LINGO2: variants seen among roughly 807,000 people sequenced by gnomAD.
LINGO2 encodes the protein leucine-rich repeat and immunoglobulin-like domain-containing nogo receptor-interacting protein 2.
In LINGO2, 14 loss-of-function variants were observed where a neutral mutation model predicts 30.6. That is an observed-to-expected ratio of 0.46 (90% CI 0.30 to 0.72). The LOEUF (loss-of-function observed/expected upper bound fraction) is 0.72, where lower values mean the gene tolerates loss of function less well. Among genes scored for constraint, LINGO2 ranks in the 30% least tolerant of loss-of-function variants. The pLI, the probability that LINGO2 is intolerant of heterozygous loss-of-function variation, is 0.07. For synonymous variants in LINGO2, 317 were observed against 288.5 expected, an observed-to-expected ratio of 1.10 and a Z score of -1.00; for missense variants, 729 against 751.7, an observed-to-expected ratio of 0.97 and a Z score of 0.35.
chr9:28,261,830 TTGTTA>T (rs1253567185), intron 4 of LINGO2, among the ~76,000 whole-genome samples: 1 of 151,952 alleles, frequency 6.6e-6, no homozygotes, highest in Non-Finnish European at 1.5e-5. Context: ...ACAGTGGGTT[TTGTTA>T]TAAGATATTG....
intron 1 of LINGO2, among the ~76,000 whole-genome samples, chr9:28,589,471 A>G (rs1039780915): frequency 2.2e-4 from 34 of 152,276 alleles, no homozygotes; most frequent in African/African-American, 7.7e-4. Flanking sequence ...TACAAAATCA[A>G]TGTACAAAAA....
chr9:28,156,379 C>A (rs1044342444), intron 4 of LINGO2, among the ~76,000 whole-genome samples: 27 of 152,150 alleles, frequency 1.8e-4, no homozygotes, highest in African/African-American at 6.5e-4. Flanking sequence ...GTTAAAGAAC[C>A]TACTATGCAC....
At chr9:28,966,184 G>A in the LINGO2 span, among the ~76,000 whole-genome samples, 1 of 152,084 alleles carries the variant, frequency 6.6e-6, no homozygotes, top group African/African-American at 2.4e-5. Context: ...CTCATCCTGA[G>A]AAATTAAGAG....
the LINGO2 span, among the ~76,000 whole-genome samples, chr9:29,066,828 C>G: frequency 4.0e-5 from 6 of 151,768 alleles, no homozygotes; most frequent in African/African-American, 1.4e-4. Flanking sequence ...TTCTTTTACT[C>G]TTTTGCTTTT....
At chr9:27,994,993 T>C (rs1563892543) in intron 5 of LINGO2, among the ~76,000 whole-genome samples, 1 of 152,068 alleles carries the variant, frequency 6.6e-6, no homozygotes, top group Non-Finnish European at 1.5e-5. Flanking sequence ...GAATACTTTC[T>C]CTAAGTAACA....
chr9:29,081,163 T>C, the LINGO2 span, among the ~76,000 whole-genome samples: 4 of 152,116 alleles, frequency 2.6e-5, no homozygotes, highest in African/African-American at 7.2e-5. Context: ...TGAACATCGA[T>C]GCAAAAATCC....
chr9:28,894,651 C>T, the LINGO2 span, among the ~76,000 whole-genome samples: 1 of 151,732 alleles, frequency 6.6e-6, no homozygotes, highest in African/African-American at 2.4e-5. Flanking sequence ...AATGTGTCAA[C>T]TTTTTACATT....
At chr9:28,669,547 A>C (rs1344127727) in intron 1 of LINGO2, among the ~76,000 whole-genome samples, 1 of 152,108 alleles carries the variant, frequency 6.6e-6, no homozygotes, top group East Asian at 1.9e-4. Context: ...AACAATTGGA[A>C]GAAATATGAA....
chr9:28,097,340 T>C (rs1424375785), intron 4 of LINGO2, among the ~76,000 whole-genome samples: 1 of 151,572 alleles, frequency 6.6e-6, no homozygotes, highest in Non-Finnish European at 1.5e-5. Flanking sequence ...ACTGGGTATA[T>C]ACCCAAAGGA....
chr9:28,744,053 G>T, the LINGO2 span, among the ~76,000 whole-genome samples: 2 of 148,392 alleles, frequency 1.3e-5, no homozygotes, highest in Admixed American at 1.3e-4. Context: ...CAAGCTCAAT[G>T]GTTCTTTCTT....
At chr9:28,057,482 T>C (rs976413805) in intron 4 of LINGO2, among the ~76,000 whole-genome samples, 1 of 134,562 alleles carries the variant, frequency 7.4e-6, no homozygotes, top group Non-Finnish European at 1.7e-5. Context: ...ATGAGCCTTG[T>C]TCATGGCTTT....
At chr9:29,124,422 T>G in the LINGO2 span, among the ~76,000 whole-genome samples, 86 of 152,256 alleles carry the variant, frequency 5.6e-4, no homozygotes, top group African/African-American at 1.9e-3. Flanking sequence ...TGGATCTAAT[T>G]AAACTAAAAA....
intron 5 of LINGO2, among the ~76,000 whole-genome samples, chr9:27,995,558 G>A (rs1379176666): frequency 2.0e-5 from 3 of 152,140 alleles, no homozygotes; most frequent in Non-Finnish European, 4.4e-5. Context: ...TTATTCCAGA[G>A]ATGTAAAGAT....
chr9:28,845,746 T>C, the LINGO2 span, among the ~76,000 whole-genome samples: 1 of 151,752 alleles, frequency 6.6e-6, no homozygotes, highest in East Asian at 1.9e-4. Flanking sequence ...AATAAATAGA[T>C]AATTTCTCTT....
chr9:28,098,412 A>T (rs1826312202), intron 4 of LINGO2, among the ~76,000 whole-genome samples: 1 of 152,206 alleles, frequency 6.6e-6, no homozygotes, highest in African/African-American at 2.4e-5. Flanking sequence ...ATATCAATAA[A>T]TCTATAACAT....
the LINGO2 span, among the ~76,000 whole-genome samples, chr9:29,124,300 A>C: frequency 6.6e-6 from 1 of 152,204 alleles, no homozygotes; most frequent in Non-Finnish European, 1.5e-5. Context: ...ATCTAAAACT[A>C]TAAAAATCCT....
At chr9:28,447,317 A>C (rs1481403638) in intron 2 of LINGO2, among the ~76,000 whole-genome samples, 1 of 152,164 alleles carries the variant, frequency 6.6e-6, no homozygotes, top group Non-Finnish European at 1.5e-5. Context: ...TATGAATGGA[A>C]TTAGTTGCTT....
chr9:28,664,996 CATATAT>C (rs10527878), intron 1 of LINGO2, among the ~76,000 whole-genome samples: 12,165 of 95,728 alleles, frequency 0.13, 727 homozygotes, highest in East Asian at 0.17. Flanking sequence ...TATGTGTTTA[CATATAT>C]ATATATATAT....
At chr9:29,186,021 C>CT in the LINGO2 span, among the ~76,000 whole-genome samples, 5 of 151,304 alleles carry the variant, frequency 3.3e-5, no homozygotes, top group Admixed American at 6.6e-5. Flanking sequence ...AGGTCAATCA[C>CT]TTTTTTTTTC....
Sources: allele counts gnomAD v4.1 joint callset (sites outside exome capture counted in the v4.1 genomes callset), GRCh38; gene constraint gnomAD v4.1.1; transcripts MANE v1.5; gene names NCBI Gene and HGNC (gene_info 2026-07-23, HGNC 2026-07-21).